The following EFCAB13 variants were observed in gnomAD, a reference collection of about 807,000 sequenced individuals.
EFCAB13 encodes the protein EF-hand calcium-binding domain-containing protein 13.
EFCAB13 carries 91 observed loss-of-function variants against 110.2 expected under a neutral mutation model. That is an observed-to-expected ratio of 0.83 (90% CI 0.70 to 0.98). The LOEUF is 0.98. Ranked by LOEUF, EFCAB13 falls within the 50% of genes least tolerant of loss-of-function variation. The pLI, the probability that EFCAB13 is intolerant of heterozygous loss-of-function variation, is 0.00. For missense variants in EFCAB13, 968 were observed against 1,119.4 expected (o/e 0.86, Z 1.93); for synonymous variants, 323 against 369.9 (o/e 0.87, Z 1.45).
chr17:47,378,263 C>T (rs2065627466), intron 13 of EFCAB13, among the ~76,000 whole-genome samples: 1 of 151,934 alleles, frequency 6.6e-6, no homozygotes, highest in Admixed American at 6.6e-5. Flanking sequence ...ACAAATAGCC[C>T]AAGGATCCAA....
chr17:47,419,595 A>T (rs935926976), intron 23 of EFCAB13, among the ~76,000 whole-genome samples: 1 of 152,166 alleles, frequency 6.6e-6, no homozygotes, highest in Non-Finnish European at 1.5e-5. Flanking sequence ...TAATGATGAT[A>T]ATAATAATAA....
intron 21 of EFCAB13, 149 bp downstream of exon 21, chr17:47,409,840 C>A: frequency 1.6e-6 from 1 of 609,692 alleles, no homozygotes; most frequent in Non-Finnish European, 2.9e-6. Flanking sequence ...CATGTTACCT[C>A]CCCCTATTTA....
chr17:47,325,530 T>C (rs1243490697), intron 2 of EFCAB13, among the ~76,000 whole-genome samples: 1 of 152,190 alleles, frequency 6.6e-6, no homozygotes, highest in Non-Finnish European at 1.5e-5. Context: ...CTCCATGATA[T>C]GCCACTTTCA....
intron 14 of EFCAB13, among the ~76,000 whole-genome samples, chr17:47,380,502 C>G (rs1402860143): frequency 6.6e-6 from 1 of 152,138 alleles, no homozygotes; most frequent in Non-Finnish European, 1.5e-5. Context: ...TGGGTTGGTT[C>G]CAAGTCTTTG....
chr17:47,414,888 G>T lies in EFCAB13; in HGVS notation c.2463G>T (p.Met821Ile), dbSNP rs148656767. Residue 821 changes from methionine (M) to isoleucine (I), a missense_variant, in exon 23 of 25, where the codon ATG becomes ATT. By Grantham distance (10) the Met-to-Ile change is conservative (BLOSUM62 1). Coordinates refer to ENST00000331493, the MANE Select transcript of EFCAB13 (RefSeq NM_152347.5). ...EVDLKDFLMK[M>I]KESPHFQKSK... is the part of the protein sequence containing the mutation. ...ATTTAAAAGATTTCTTAATGAAAAT[G>T]AAAGAAAGTCCACATTTCCAAAAGT... 529 of 1,607,758 alleles carry T rather than the reference G, an allele frequency of 3.3e-4. 1 individual carries two copies. The African/African-American group carries it at 6.3e-3, about 19-fold the overall frequency.
intron 20 of EFCAB13, chr17:47,409,360 T>C (rs1012853551): frequency 3.2e-6 from 1 of 312,660 alleles, no homozygotes; most frequent in African/African-American, 2.1e-5. Flanking sequence ...CGGCTGGGGA[T>C]TAACTTCTCC....
chr17:47,426,186 G>A (rs1376793133), intron 23 of EFCAB13, among the ~76,000 whole-genome samples: 2 of 152,146 alleles, frequency 1.3e-5, no homozygotes, highest in Admixed American at 6.5e-5. Flanking sequence ...ACTCTATTAC[G>A]TGAAGTAGTA....
chr17:47,376,345 A>G (rs1395156195), intron 12 of EFCAB13, among the ~76,000 whole-genome samples: 1 of 152,210 alleles, frequency 6.6e-6, no homozygotes, highest in Admixed American at 6.5e-5. Context: ...ACCTTGGTTA[A>G]AGGAATAATG....
At chr17:47,423,729 G>T (rs957321811) in intron 23 of EFCAB13, among the ~76,000 whole-genome samples, 20 of 151,952 alleles carry the variant, frequency 1.3e-4, no homozygotes, top group African/African-American at 4.6e-4. Flanking sequence ...GCCGGCAGGG[G>T]CGTTCCCGGG....
At chr17:47,439,664 TTAAATTTATGTGTCTACTGTCATAC>T (rs1246198361) in intron 24 of EFCAB13, among the ~76,000 whole-genome samples, 4 of 152,116 alleles carry the variant, frequency 2.6e-5, no homozygotes, top group Non-Finnish European at 5.9e-5. Flanking sequence ...CGTGGAGAGA[TTAAATTTATGTGTCTACTGTCATAC>T]TAAAGCAGTG....
At chr17:47,329,525 T>C (rs1039877936) in intron 4 of EFCAB13, among the ~76,000 whole-genome samples, 2 of 152,218 alleles carry the variant, frequency 1.3e-5, no homozygotes, top group Non-Finnish European at 1.5e-5. Flanking sequence ...ATTTAAAATT[T>C]ACCTTTTTAT....
intron 14 of EFCAB13, among the ~76,000 whole-genome samples, chr17:47,380,769 A>T (rs140523078): frequency 6.6e-6 from 1 of 151,948 alleles, no homozygotes; most frequent in Admixed American, 6.5e-5. Context: ...AATGATCGCC[A>T]TTCTAACTGG....
rs1227940608 is a variant in EFCAB13, at chr17:47,401,637, TGAC to T, written c.1946-494_1946-492del. Among the ~76,000 whole-genome samples the T allele has an allele frequency of 3.5e-5, 5 of 142,644 alleles. No individual in the cohort carries two copies. The South Asian group carries it at 9.0e-4, about 26-fold the overall frequency. 93.6% of individuals were successfully genotyped at this position (142,644 alleles called of 152,430 possible). A position where few individuals can be genotyped will look rare whatever the true frequency, so the allele number is the denominator to read the frequency against. On this transcript the variant is annotated intron_variant, in intron 17 of 24. Transcript: ENST00000331493. The stretch of plus-strand genomic sequence containing the variant: ...ATTGATTGAAATTGAGAACTCAGCC[TGAC>T]TTTTTTTTTTTTTTTTTTTTTTGAG...
intron 22 of EFCAB13, among the ~76,000 whole-genome samples, chr17:47,414,578 T>C (rs1904368182): frequency 1.3e-5 from 2 of 151,440 alleles, no homozygotes; most frequent in African/African-American, 4.9e-5. Context: ...GACGATTACA[T>C]GATTTAATAT....
Position 47,394,038 on chromosome 17 carries a change from G to T in EFCAB13, c.1740G>T (p.Val580=). The T allele has an allele frequency of 1.3e-6, 2 of 1,543,940 alleles. No individual in the cohort carries two copies. Among genetic ancestry groups the T allele is most frequent in the Non-Finnish European group, 1.7e-6 (2 of 1,150,586 alleles). The part of the protein sequence containing the change: ...ELTEAGETKK[V]NFKEFIDTMM... ...TTTTTCCTGTAGAAACAAAAAAAGT[G>T]AATTTTAAAGAATTCATTGATACTA... Residue 580 remains valine (V), a synonymous_variant, in exon 16 of 25, where the codon GTG becomes GTT. Transcript: ENST00000331493.
At chr17:47,410,818 C>T (rs1208926066) in intron 21 of EFCAB13, among the ~76,000 whole-genome samples, 1 of 152,190 alleles carries the variant, frequency 6.6e-6, no homozygotes, top group Non-Finnish European at 1.5e-5. Context: ...TCTCTTTTGA[C>T]TCCATGAGTC....
intron 16 of EFCAB13, 70 bp from the exon 17 acceptor site, chr17:47,395,764 C>G: frequency 7.5e-7 from 1 of 1,339,076 alleles, no homozygotes; most frequent in Non-Finnish European, 9.9e-7. Context: ...TTGTCTATTC[C>G]AGATGACAGT....
At chr17:47,413,717 A>G (rs1282986173) in intron 22 of EFCAB13, among the ~76,000 whole-genome samples, 9 of 151,566 alleles carry the variant, frequency 5.9e-5, no homozygotes, top group Admixed American at 4.6e-4. Context: ...TGGGCCTTCA[A>G]TTTCTCACAA....
intron 4 of EFCAB13, among the ~76,000 whole-genome samples, chr17:47,334,486 A>G (rs2065337725): frequency 6.6e-6 from 1 of 152,162 alleles, no homozygotes; most frequent in Non-Finnish European, 1.5e-5. Flanking sequence ...TATTTCTTTC[A>G]TGGATCATGG....
Sources: gnomAD v4.1 joint callset for allele counts (sites outside exome capture counted in the v4.1 genomes callset) on GRCh38, gnomAD v4.1.1 for gene constraint, MANE v1.5 for transcripts, NCBI Gene and HGNC (gene_info 2026-07-23, HGNC 2026-07-21) for gene names.